NFILZ: variants seen among roughly 807,000 people sequenced by gnomAD.
NFILZ encodes the protein NFIL3 like basic leucine zipper.
rs2043120682 is a variant in NFILZ, at chr19:8,678,043, T to TCCATTCAG, written c.*412_*413insTCAGCCAT. ...CCTTATCCATCTATCCATCCATCCATCCATCCATCCACCCATCTATTCATC... is the reference window on the plus strand; with the variant it reads ...CCTTATCCATCTATCCATCCATCCATCCATTCAGCCATCCATCCACCCATCTATTCATC... On this transcript the variant is annotated 3_prime_UTR_variant, in exon 6 of 6. Coordinates refer to ENST00000691075, the MANE Select transcript of NFILZ (RefSeq NM_001378600.1). Among the ~76,000 whole-genome samples the TCCATTCAG allele has an allele frequency of 2.2e-5, 1 of 45,194 alleles. No homozygotes were observed. The highest frequency in any genetic ancestry group is 4.7e-5 in the Non-Finnish European group (1 of 21,336). The allele number at this position is 45,194 out of a possible 152,430, so 29.6% of individuals were successfully genotyped here. A position where few individuals can be genotyped will look rare whatever the true frequency, so the allele number is the denominator to read the frequency against.
intron 2 of NFILZ, among the ~76,000 whole-genome samples, chr19:8,635,122 C>T (rs1039779618): frequency 3.3e-5 from 5 of 151,840 alleles, no homozygotes; most frequent in African/African-American, 9.7e-5. Flanking sequence ...CCAGCCTGGC[C>T]AACATAGTGA....
chr19:8,635,027 C>T (rs782444380), intron 2 of NFILZ, among the ~76,000 whole-genome samples: 19 of 150,928 alleles, frequency 1.3e-4, no homozygotes, highest in Non-Finnish European at 2.7e-4. Flanking sequence ...TACAGAATAC[C>T]GGCCAGGCCT....
In NFILZ at chr19:8,678,099, A is replaced by ATCCGTTCT. The variant is rs1600158112; in HGVS notation, c.*467_*468insGTTCTTCC. ...ATCAATCCATCCATCCATTCCATCC[A>ATCCGTTCT]TCCATCCATCCATCCATCCATCCAT... On this transcript the variant is annotated 3_prime_UTR_variant, in exon 6 of 6. Coordinates refer to ENST00000691075, the MANE Select transcript of NFILZ (RefSeq NM_001378600.1). 5.3e-4 allele frequency among the ~76,000 whole-genome samples: 68 copies of ATCCGTTCT among 128,844 alleles called. No homozygotes were observed. The highest frequency in any genetic ancestry group is 1.3e-3 in the African/African-American group (41 of 30,940). 84.5% of individuals were successfully genotyped at this position (128,844 alleles called of 152,430 possible).
At position 8,654,761 on chromosome 19, in the gene NFILZ, G is replaced by C. The variant is rs547337099; in HGVS notation, c.-164+19015G>C. On this transcript the variant is annotated intron_variant, in intron 3 of 5. Transcript: ENST00000691075. Reference sequence around the variant, plus strand: ...GTGCCGCTGCTCCCAAGCCTAGGCCGGCTCAGCGACTCTGCAGGGTGAATC... The same window carrying C: ...GTGCCGCTGCTCCCAAGCCTAGGCCCGCTCAGCGACTCTGCAGGGTGAATC... Among the ~76,000 whole-genome samples the C allele has an allele frequency of 1.1e-4, 16 of 152,290 alleles. 1 individual carries two copies. In the South Asian group the frequency reaches 2.3e-3, roughly 22 times the overall value.
chr19:8,656,283 TCCCCACAGCCCAC>T (rs2042993960), intron 3 of NFILZ, among the ~76,000 whole-genome samples: 1 of 38,088 alleles, frequency 2.6e-5, no homozygotes, highest in Non-Finnish European at 7.6e-5. Flanking sequence ...GCCCACCTTC[TCCCCACAGCCCAC>T]CTCCTCCCGC....
intron 3 of NFILZ, among the ~76,000 whole-genome samples, chr19:8,666,548 C>T (rs577137944): frequency 6.6e-6 from 1 of 151,992 alleles, no homozygotes; most frequent in Admixed American, 6.6e-5. Context: ...ATGATGATAA[C>T]CTTGAACCCC....
At chr19:8,631,678 C>CA (rs1438586466) in intron 1 of NFILZ, among the ~76,000 whole-genome samples, 1 of 152,190 alleles carries the variant, frequency 6.6e-6, no homozygotes, top group African/African-American at 2.4e-5. Flanking sequence ...ATCCAGCCGC[C>CA]AGGCCTTCGT....
At chr19:8,657,071 T>C (rs1342058378) in intron 3 of NFILZ, among the ~76,000 whole-genome samples, 10 of 151,886 alleles carry the variant, frequency 6.6e-5, no homozygotes, top group African/African-American at 2.4e-4. Context: ...GTCTTGTTCC[T>C]GTGCCTGTCT....
At chr19:8,667,958 T>G (rs1438410632) in intron 3 of NFILZ, among the ~76,000 whole-genome samples, 1 of 152,090 alleles carries the variant, frequency 6.6e-6, no homozygotes, top group Non-Finnish European at 1.5e-5. Flanking sequence ...TTTTATTTAT[T>G]TATTTATTTT....
rs5827014 is a variant in NFILZ at position 8,656,434 on chromosome 19, CA to C, written c.-163-18116del. On this transcript the variant is annotated intron_variant, in intron 3 of 5. Coordinates refer to ENST00000691075, the MANE Select transcript of NFILZ (RefSeq NM_001378600.1). ...CTGAAACCCACCTCTTTCCGCAGCCCACCTTCTCCTCGAAGCCCACCTTCTC... is the reference window on the plus strand; with the variant it reads ...CTGAAACCCACCTCTTTCCGCAGCCCCCTTCTCCTCGAAGCCCACCTTCTC... 2.8e-4 allele frequency among the ~76,000 whole-genome samples: 31 copies of C among 111,340 alleles called. 1 individual carries two copies. Among genetic ancestry groups the C allele is most frequent in the African/African-American group, 7.7e-4 (22 of 28,682 alleles). The allele number at this position is 111,340 out of a possible 152,430, so 73.0% of individuals were successfully genotyped here. A position where few individuals can be genotyped will look rare whatever the true frequency, so the allele number is the denominator to read the frequency against.
chr19:8,672,819 G>C (rs985576787), intron 3 of NFILZ, among the ~76,000 whole-genome samples: 1 of 152,130 alleles, frequency 6.6e-6, no homozygotes, highest in Non-Finnish European at 1.5e-5. Flanking sequence ...CTGATCCTGG[G>C]GTGGAGGTGA....
At chr19:8,652,739 T>A (rs920270622) in intron 3 of NFILZ, among the ~76,000 whole-genome samples, 1 of 152,208 alleles carries the variant, frequency 6.6e-6, no homozygotes, top group African/African-American at 2.4e-5. Flanking sequence ...ATTAACCAAA[T>A]TTTCAGTGTC....
At position 8,679,210 on chromosome 19, in the gene NFILZ, T is replaced by C. The variant is rs570309633; in HGVS notation, c.*1575T>C. On this transcript the variant is annotated 3_prime_UTR_variant, in exon 6 of 6. Transcript: ENST00000691075. ...CTGCAGGGAAGGTCTTCCAGGGGCC[T>C]GGAGCCCAAGGACTTATCAAGGCTC... Among the ~76,000 whole-genome samples the C allele has an allele frequency of 1.2e-4, 18 of 152,198 alleles. No homozygotes were observed. In the South Asian group the frequency reaches 3.5e-3, roughly 30 times the overall value.
At chr19:8,662,090 G>A (rs923380844) in intron 3 of NFILZ, among the ~76,000 whole-genome samples, 3 of 151,692 alleles carry the variant, frequency 2.0e-5, no homozygotes, top group Non-Finnish European at 2.9e-5. Flanking sequence ...CTGTAGTCCC[G>A]GCTACTTGGA....
At chr19:8,645,963 A>G (rs1300806103) in intron 3 of NFILZ, among the ~76,000 whole-genome samples, 3 of 152,218 alleles carry the variant, frequency 2.0e-5, no homozygotes, top group Non-Finnish European at 4.4e-5. Context: ...CTGGAAAACC[A>G]CAATTAGTTT....
At chr19:8,655,546 C>T (rs773400513) in intron 3 of NFILZ, among the ~76,000 whole-genome samples, 27 of 152,260 alleles carry the variant, frequency 1.8e-4, no homozygotes, top group Non-Finnish European at 3.1e-4. Flanking sequence ...ACGGAAGCGC[C>T]GGTGACTACC....
intron 3 of NFILZ, among the ~76,000 whole-genome samples, chr19:8,671,619 G>C (rs2043087335): frequency 6.6e-6 from 1 of 152,102 alleles, no homozygotes; most frequent in South Asian, 2.1e-4. Context: ...CCCCTGGGCT[G>C]TGTTCCTCTT....
rs370262582 is a variant in NFILZ, at chr19:8,678,151, GTCCA to G, written c.*552_*555del. 5.7e-4 allele frequency among the ~76,000 whole-genome samples: 28 copies of G among 49,034 alleles called. No homozygotes were observed. The highest frequency in any genetic ancestry group is 1.1e-3 in the African/African-American group (11 of 9,908). 32.2% of individuals were successfully genotyped at this position (49,034 alleles called of 152,430 possible). A position where few individuals can be genotyped will look rare whatever the true frequency, so the allele number is the denominator to read the frequency against. ...CCTCCATCCATTCATCCACTTGTCCGTCCATCCATCCATCCATCCATCCATCCAT... is the reference window on the plus strand; with the variant it reads ...CCTCCATCCATTCATCCACTTGTCCGTCCATCCATCCATCCATCCATCCAT... On this transcript the variant is annotated 3_prime_UTR_variant, in exon 6 of 6. Transcript: ENST00000691075.
At position 8,640,806 on chromosome 19, in the gene NFILZ, C is replaced by T. The variant is rs75948470; in HGVS notation, c.-164+5060C>T. Among the ~76,000 whole-genome samples the T allele has an allele frequency of 4.8e-3, 731 of 152,274 alleles. 7 individuals are homozygous for T. The highest frequency in any genetic ancestry group is 0.017 in the African/African-American group (701 of 41,548). ...AGAGGTCAAAGTTACAGCAACAGCACCTTGCAAGGGGCAGGGGTGAGGAGA... is the reference window on the plus strand; with the variant it reads ...AGAGGTCAAAGTTACAGCAACAGCATCTTGCAAGGGGCAGGGGTGAGGAGA... On this transcript the variant is annotated intron_variant, in intron 3 of 5. Transcript: ENST00000691075.
Sources: allele counts gnomAD v4.1 joint callset (sites outside exome capture counted in the v4.1 genomes callset), GRCh38; gene constraint gnomAD v4.1.1; transcripts MANE v1.5; gene names NCBI Gene and HGNC (gene_info 2026-07-23, HGNC 2026-07-21).